The following SPTBN4 variants were observed in gnomAD, a reference collection of about 807,000 sequenced individuals.
SPTBN4 encodes spectrin beta, non-erythrocytic 4.
A neutral mutation model predicts 277.8 loss-of-function variants in SPTBN4; 96 were observed. That is an observed-to-expected ratio of 0.35 (90% CI 0.29 to 0.41). The LOEUF is 0.41. Among genes scored for constraint, SPTBN4 ranks in the 10% least tolerant of loss-of-function variants. The pLI is 1.00. For synonymous variants in SPTBN4, 1,481 were observed against 1,580.3 expected (o/e 0.94, Z 1.49); for missense variants, 3,006 against 3,595.7 (o/e 0.84, Z 4.19).
intron 7 of SPTBN4, among the ~76,000 whole-genome samples, chr19:40,500,704 G>A (rs1194122189): frequency 5.3e-5 from 8 of 152,076 alleles, no homozygotes; most frequent in South Asian, 2.1e-4. Context: ...AAAATTAGCC[G>A]GGCGTGGTGG....
chr19:40,541,652 C>T (rs1358039124), intron 20 of SPTBN4, among the ~76,000 whole-genome samples: 1 of 152,100 alleles, frequency 6.6e-6, no homozygotes, highest in Non-Finnish European at 1.5e-5. Flanking sequence ...GATCTGTCCC[C>T]CTCAGCCTCT....
At position 40,557,360 on chromosome 19, in the gene SPTBN4, C is replaced by A. The variant is rs1033660718; in HGVS notation, c.5627C>A (p.Thr1876Asn). The change falls in exon 26 of 36, where the codon ACC becomes AAC. Residue 1876 changes from threonine (T) to asparagine (N), a missense_variant. Around this residue, in one of 5 missense-constraint regions of SPTBN4, gnomAD observed 425 missense variants for 594.7 expected, o/e 0.71. Transcript: ENST00000598249. Reference protein sequence around the residue: ...PRPSASSMQRTLRAFEHDLQL... With the variant: ...PRPSASSMQRNLRAFEHDLQL... ...CCCAGTGCCAGTTCCATGCAGCGGA[C>A]CCTGAGAGCCTTTGAGCATGACCTG... 5 of 1,600,366 alleles carry A rather than the reference C, an allele frequency of 3.1e-6. No individual in the cohort carries two copies. The highest frequency in any genetic ancestry group is 3.4e-6 in the Non-Finnish European group (4 of 1,172,166).
rs114174181 is a variant in SPTBN4, at chr19:40,571,821, A to T, written c.7320-198A>T. On this transcript the variant is annotated intron_variant, in intron 33 of 35. Transcript: ENST00000598249. ...AAATCTCAGCCTGGGCAAAGGCTTG[A>T]TACTGAGAGACTTAAATGCTCCCCT... 9.6e-4 allele frequency: 493 copies of T among 511,104 alleles called. 2 individuals carry two copies. The highest frequency in any genetic ancestry group is 8.4e-3 in the African/African-American group (437 of 51,866). The allele number at this position is 511,104 out of a possible 1,614,324, so 31.7% of individuals were successfully genotyped here.
Position 40,556,173 on chromosome 19 carries a change from A to G in SPTBN4, c.5174A>G (p.Gln1725Arg). 6.2e-7 allele frequency: 1 copy of G among 1,613,514 alleles called. No homozygotes were observed. The highest frequency in any genetic ancestry group is 8.5e-7 in the Non-Finnish European group (1 of 1,180,000). ...GAGGAGCGCCGGGTGGCTCTGGAAC[A>G]GCAGTACTGGCTGTACCAGCTCAGC... ...LGEERRVALE[Q>R]QYWLYQLSRQ... Residue 1725 changes from glutamine to arginine, a missense_variant, in exon 25 of 36, where the codon CAG (glutamine) becomes CGG (arginine). Physicochemically the swap from Gln to Arg is conservative, Grantham distance 43. Transcript: ENST00000598249.
intron 20 of SPTBN4, among the ~76,000 whole-genome samples, chr19:40,537,119 C>T (rs559738374): frequency 6.6e-6 from 1 of 152,296 alleles, no homozygotes; most frequent in African/African-American, 2.4e-5. Context: ...AAGCAGTTCT[C>T]CTGCCTCAGT....
chr19:40,530,501 T>TCGCCGC, intron 18 of SPTBN4: 1 of 977,734 alleles, frequency 1.0e-6, no homozygotes, highest in South Asian at 4.7e-5. Flanking sequence ...GCCTCAGCCT[T>TCGCCGC]CGCCGCCGCT....
At chr19:40,500,798 G>A (rs1452288033) in intron 7 of SPTBN4, among the ~76,000 whole-genome samples, 1 of 151,534 alleles carries the variant, frequency 6.6e-6, no homozygotes, top group Non-Finnish European at 1.5e-5. Flanking sequence ...GGTGGGCCAA[G>A]ATCACGCCAT....
chr19:40,520,005 C>A lies in SPTBN4; in HGVS notation c.3508C>A (p.Leu1170Ile). ...DGAELGPGLA[L>I]DEWLPHLELG... ...CGCAGAGCTGGGCCCGGGCCTGGCACTAGACGAGTGGCTGCCACACCTCGA... is the reference window on the plus strand; with the variant it reads ...CGCAGAGCTGGGCCCGGGCCTGGCAATAGACGAGTGGCTGCCACACCTCGA... Residue 1170 changes from leucine (L) to isoleucine (I), a missense_variant, in exon 16 of 36, where the codon CTA becomes ATA. By Grantham distance (5) the Leu-to-Ile change is conservative. Transcript: ENST00000598249. 2 of 1,562,254 alleles carry A rather than the reference C, an allele frequency of 1.3e-6. No individual in the cohort carries two copies. The highest frequency in any genetic ancestry group is 1.7e-6 in the Non-Finnish European group (2 of 1,158,736).
rs1257522552 is a variant in SPTBN4 at position 40,560,519 on chromosome 19, C to T, written c.5915+116C>T. On this transcript the variant is annotated intron_variant, in intron 27 of 35. Transcript: ENST00000598249. This position sits in a 1 kb window ranked among gnomAD's most constrained non-coding sequence, Gnocchi z 5.2. ...ATGACAACAGCCAATATCTGTGTGG[C>T]GCCTCTGTGTGCTAGGCACTGTTCT... 10 of 1,578,382 alleles carry T rather than the reference C, an allele frequency of 6.3e-6. No individual in the cohort carries two copies. Among genetic ancestry groups the T allele is most frequent in the African/African-American group, 5.4e-5 (4 of 74,436 alleles).
At chr19:40,496,506 A>G (rs1452530244) in intron 6 of SPTBN4, among the ~76,000 whole-genome samples, 1 of 151,746 alleles carries the variant, frequency 6.6e-6, no homozygotes, top group African/African-American at 2.4e-5. Flanking sequence ...CTGGTTTCAA[A>G]CTCCTGACCT....
chr19:40,556,997 C>CCG, intron 25 of SPTBN4, 26 bp from the exon 26 acceptor site: 1 of 353,102 alleles, frequency 2.8e-6, no homozygotes, highest in Non-Finnish European at 3.6e-6. Flanking sequence ...CTTTGCTGTA[C>CCG]CCCCCCCCCC....
At chr19:40,492,105 G>C (rs1441164808) in intron 4 of SPTBN4, among the ~76,000 whole-genome samples, 1 of 152,092 alleles carries the variant, frequency 6.6e-6, no homozygotes, top group African/African-American at 2.4e-5. Context: ...GGAGCTGAGA[G>C]CCCAGGGAGG....
intron 13 of SPTBN4, among the ~76,000 whole-genome samples, chr19:40,510,830 AG>A (rs2080382489): frequency 6.6e-6 from 1 of 151,996 alleles, no homozygotes; most frequent in Non-Finnish European, 1.5e-5. Context: ...GAGACCAGCC[AG>A]CGAGACTCTA....
At chr19:40,574,817 C>T (rs1308261691) in intron 35 of SPTBN4, among the ~76,000 whole-genome samples, 1 of 152,084 alleles carries the variant, frequency 6.6e-6, no homozygotes, top group Non-Finnish European at 1.5e-5. Context: ...AAGTTCAAGA[C>T]CAGTGTGGCC....
chr19:40,494,339 A>C (rs1024561005), intron 5 of SPTBN4, among the ~76,000 whole-genome samples: 79 of 138,180 alleles, frequency 5.7e-4, no homozygotes, highest in African/African-American at 2.0e-3. Context: ...TTTTCTCTTC[A>C]TGTCTTCTTT....
intron 33 of SPTBN4, 24 bp downstream of exon 33, chr19:40,570,752 G>A: frequency 1.9e-6 from 3 of 1,598,914 alleles, no homozygotes; most frequent in South Asian, 1.1e-5. Flanking sequence ...CGGGGCTTTG[G>A]AAGGCGGGTC....
Position 40,504,003 on chromosome 19 carries a change from C to A in SPTBN4, c.1536C>A (p.Ser512Arg), listed in dbSNP as rs368272656. The A allele has an allele frequency of 1.2e-6, 2 of 1,613,974 alleles. No homozygotes were observed. The highest frequency in any genetic ancestry group is 1.7e-5 in the Admixed American group (1 of 60,018). Residue 512 changes from serine to arginine, a missense_variant, in exon 12 of 36, where the codon AGC (serine) becomes AGA (arginine). By Grantham distance (110) the Ser-to-Arg change is moderately radical. Transcript: ENST00000598249. ...GGCGGGTGGCAGCCCAGCGTGACAG[C>A]GTCCTGCGCCAGTGGGCCCTGCTAA... ...DIRRVAAQRD[S>R]VLRQWALLTG...
At chr19:40,537,590 C>T (rs1599779696) in intron 20 of SPTBN4, among the ~76,000 whole-genome samples, 1 of 152,264 alleles carries the variant, frequency 6.6e-6, no homozygotes, top group East Asian at 1.9e-4. Context: ...CTGTTAACTC[C>T]TCTCTCCTCC....
Position 40,494,940 on chromosome 19 carries a change from G to A in SPTBN4, c.631G>A (p.Asp211Asn), listed in dbSNP as rs369029871. Reference sequence around the variant, plus strand: ...CCAGAATTTCACCACCAGCTGGCGGGATGGCTTGGCCTTCAATGCCCTCAT... The same window carrying A: ...CCAGAATTTCACCACCAGCTGGCGGAATGGCTTGGCCTTCAATGCCCTCAT... ...NIQNFTTSWR[D>N]GLAFNALIHR... The change falls in exon 6 of 36, where the codon GAT becomes AAT. Residue 211 changes from aspartate to asparagine, a missense_variant. Transcript: ENST00000598249. The A allele has an allele frequency of 3.5e-5, 56 of 1,613,980 alleles. No homozygotes were observed. The highest frequency in any genetic ancestry group is 4.6e-5 in the Non-Finnish European group (54 of 1,180,028).
Sources: allele counts gnomAD v4.1 joint callset (sites outside exome capture counted in the v4.1 genomes callset), GRCh38; gene constraint gnomAD v4.1.1; regional missense constraint gnomAD v4.1.1; non-coding constraint Gnocchi (gnomAD v3.1); transcripts MANE v1.5; gene names NCBI Gene and HGNC (gene_info 2026-07-23, HGNC 2026-07-21).